The following MGAT5 variants were observed in gnomAD, a reference collection of about 807,000 sequenced individuals.
The protein encoded by MGAT5 is alpha-1,6-mannosylglycoprotein 6-beta-N-acetylglucosaminyltransferase A.
A neutral mutation model predicts 94.3 loss-of-function variants in MGAT5; 30 were observed. The observed-to-expected ratio is 0.32, with a 90% confidence interval of 0.24 to 0.43. The LOEUF is 0.43. MGAT5 is among the 20% of genes least tolerant of loss of function. The pLI is 1.00. For synonymous variants in MGAT5, 310 were observed against 322.9 expected (o/e 0.96, Z 0.43); for missense variants, 691 against 905.5 (o/e 0.76, Z 3.04).
intron 1 of MGAT5, among the ~76,000 whole-genome samples, chr2:134,152,194 C>G (rs1368223876): frequency 6.9e-6 from 1 of 144,914 alleles, no homozygotes; most frequent in African/African-American, 2.6e-5. Flanking sequence ...TGGGACCTGC[C>G]CACCGCCATG....
chr2:134,279,479 C>G (rs1019051468), intron 2 of MGAT5, among the ~76,000 whole-genome samples: 1 of 152,118 alleles, frequency 6.6e-6, no homozygotes. Flanking sequence ...AACAGGGACC[C>G]AGAATTTCTA....
rs532773847 is a variant in MGAT5, at chr2:134,273,020, T to C, written c.406+2470T>C. Among the ~76,000 whole-genome samples the C allele has an allele frequency of 3.8e-3, 564 of 149,716 alleles. 4 individuals carry two copies. The highest frequency in any genetic ancestry group is 0.013 in the African/African-American group (538 of 40,648). On this transcript the variant is annotated intron_variant, in intron 2 of 15. Transcript: ENST00000281923. ...ATGTGTGTGTGTGTCTGTGTGTGTG[T>C]GCGCGCGCGCGTGCGCGTGCATGCA...
At chr2:134,250,058 A>G (rs1293879611), upstream of MGAT5, among the ~76,000 whole-genome samples, 1 of 152,158 alleles carries the variant, frequency 6.6e-6, no homozygotes, top group Non-Finnish European at 1.5e-5. Flanking sequence ...AGGAGAATTG[A>G]CACATTTCTT....
intron 4 of MGAT5, among the ~76,000 whole-genome samples, chr2:134,330,000 A>T (rs1687867507): frequency 6.6e-6 from 1 of 152,068 alleles, no homozygotes; most frequent in South Asian, 2.1e-4. Flanking sequence ...ACTTTTTTTT[A>T]GTGTATCCCT....
At chr2:134,152,899 C>CA (rs372909455) in intron 1 of MGAT5, among the ~76,000 whole-genome samples, 3 of 117,292 alleles carry the variant, frequency 2.6e-5, no homozygotes, top group Non-Finnish European at 5.1e-5. Flanking sequence ...ATGGAGTCCA[C>CA]TTTTTTTTTT....
Position 134,146,394 on chromosome 2 carries a change from C to CAA in MGAT5, c.-143+26110_-143+26111dup, listed in dbSNP as rs149224854. Among the ~76,000 whole-genome samples the CAA allele has an allele frequency of 1.9e-4, 29 of 151,110 alleles. No homozygotes were observed. The South Asian group carries it at 4.8e-3, about 25-fold the overall frequency. On this transcript the variant is annotated intron_variant, in intron 1 of 16. Coordinates refer to the MGAT5 transcript ENST00000409645. ...GCAACATAGTGAGACCTCGTCTCTA[C>CAA]AAAAAAAATACAAAAATTAGCCAGG...
chr2:134,133,695 G>A (rs201892678), intron 1 of MGAT5, among the ~76,000 whole-genome samples: 4 of 152,312 alleles, frequency 2.6e-5, no homozygotes, highest in South Asian at 4.1e-4. Context: ...AAGGGCCACC[G>A]AATGAGAGGG....
chr2:134,203,843 A>G (rs746717332), intron 1 of MGAT5, among the ~76,000 whole-genome samples: 6 of 152,182 alleles, frequency 3.9e-5, no homozygotes, highest in Non-Finnish European at 2.9e-5. Context: ...GCCTTTAGGC[A>G]CTTGTTTAAG....
At chr2:134,375,530 A>T (rs1196707700) in intron 10 of MGAT5, among the ~76,000 whole-genome samples, 1 of 152,230 alleles carries the variant, frequency 6.6e-6, no homozygotes, top group Non-Finnish European at 1.5e-5. Context: ...TCTAAAGATG[A>T]AATGTGTTGG....
intron 10 of MGAT5, among the ~76,000 whole-genome samples, chr2:134,372,343 C>A (rs948712590): frequency 6.6e-6 from 1 of 152,180 alleles, no homozygotes; most frequent in Non-Finnish European, 1.5e-5. Context: ...ATGATAACAG[C>A]CAATCGCATA....
rs543138658 is a variant in MGAT5, at chr2:134,430,274, A to G, written c.1869+1835A>G. ...AACTGCCAGGCATAAATGACTCTTG[A>G]TCAGGTTTATTTGAAGGCTTTTATT... On this transcript the variant is annotated intron_variant, in intron 14 of 15. Transcript: ENST00000281923. Among the ~76,000 whole-genome samples, 6 of 152,278 alleles carry G rather than the reference A, an allele frequency of 3.9e-5. No individual in the cohort carries two copies. The South Asian group carries it at 8.3e-4, about 21-fold the overall frequency.
intron 2 of MGAT5, 101 bp from the exon 3 acceptor site, chr2:134,317,427 CT>C: frequency 1.4e-6 from 1 of 734,432 alleles, no homozygotes. Context: ...CAACAGAGAC[CT>C]TTCTTTTTTG....
chr2:134,314,669 C>A (rs1686894360), intron 2 of MGAT5, among the ~76,000 whole-genome samples: 1 of 152,116 alleles, frequency 6.6e-6, no homozygotes, highest in East Asian at 1.9e-4. Context: ...GAAGGAAGAA[C>A]TAAGGACTGT....
intron 1 of MGAT5, among the ~76,000 whole-genome samples, chr2:134,170,122 C>A (rs540033896): frequency 6.6e-6 from 1 of 152,016 alleles, no homozygotes; most frequent in Admixed American, 6.6e-5. Context: ...CATTTAGGCC[C>A]GAGGCATGTG....
At chr2:134,179,841 T>C (rs1352968673) in intron 1 of MGAT5, among the ~76,000 whole-genome samples, 1 of 152,040 alleles carries the variant, frequency 6.6e-6, no homozygotes, top group Non-Finnish European at 1.5e-5. Context: ...CAGGATGAGG[T>C]AGGAGGTTGG....
At chr2:134,408,392 G>A (rs903032197) in intron 11 of MGAT5, among the ~76,000 whole-genome samples, 1 of 152,306 alleles carries the variant, frequency 6.6e-6, no homozygotes, top group South Asian at 2.1e-4. Flanking sequence ...TCAAATGACC[G>A]AAACTCAGGA....
At chr2:134,326,714 A>G (rs562138655) in intron 4 of MGAT5, among the ~76,000 whole-genome samples, 1 of 152,222 alleles carries the variant, frequency 6.6e-6, no homozygotes, top group South Asian at 2.1e-4. Flanking sequence ...AGTAAGATGT[A>G]TCATCTAGAT....
At chr2:134,297,049 T>C (rs1031675760) in intron 2 of MGAT5, among the ~76,000 whole-genome samples, 3 of 151,698 alleles carry the variant, frequency 2.0e-5, no homozygotes, top group Admixed American at 2.0e-4. Context: ...AAAATAAAAT[T>C]AGCTGGGTGT....
chr2:134,398,074 T>C (rs927419747), intron 10 of MGAT5, among the ~76,000 whole-genome samples: 24 of 152,168 alleles, frequency 1.6e-4, no homozygotes, highest in African/African-American at 5.3e-4. Context: ...AGGCTGAGTA[T>C]CCCTTATCCA....
Sources: allele counts gnomAD v4.1 joint callset (sites outside exome capture counted in the v4.1 genomes callset), GRCh38; gene constraint gnomAD v4.1.1; transcripts MANE v1.5; gene names NCBI Gene and HGNC (gene_info 2026-07-23, HGNC 2026-07-21).